Variants in ARMC6 observed in about 807,000 individuals in gnomAD.
The protein encoded by ARMC6 is armadillo repeat-containing protein 6.
ARMC6 carries 43 observed loss-of-function variants against 49.2 expected under a neutral mutation model. That is an observed-to-expected ratio of 0.87 (90% CI 0.69 to 1.13). The LOEUF is 1.13. Among genes scored for constraint, ARMC6 ranks in the 50% most tolerant of loss-of-function variants. The pLI, the probability that ARMC6 is intolerant of heterozygous loss-of-function variation, is 0.00. For synonymous variants in ARMC6, 262 were observed against 289.6 expected (o/e 0.90, Z 0.97); for missense variants, 627 against 682.0 (o/e 0.92, Z 0.90).
chr19:19,034,655 C>G (rs2059329662), intron 2 of ARMC6, among the ~76,000 whole-genome samples: 1 of 152,166 alleles, frequency 6.6e-6, no homozygotes, highest in African/African-American at 2.4e-5. Flanking sequence ...GTGGCATGAT[C>G]TTGACTCACT....
intron 2 of ARMC6, among the ~76,000 whole-genome samples, chr19:19,042,260 A>G (rs1335453265): frequency 2.0e-5 from 3 of 152,204 alleles, no homozygotes; most frequent in African/African-American, 7.2e-5. Flanking sequence ...CTACATCCGT[A>G]ATAGTTTCAG....
chr19:19,048,202 C>T (rs902779141), intron 4 of ARMC6, among the ~76,000 whole-genome samples: 1 of 152,040 alleles, frequency 6.6e-6, no homozygotes, highest in Non-Finnish European at 1.5e-5. Context: ...AAAAATTAAC[C>T]GGGCATGGTG....
chr19:19,046,418 C>T lies in ARMC6; in HGVS notation c.279+2344C>T, dbSNP rs1413420972. Among the ~76,000 whole-genome samples the T allele has an allele frequency of 3.9e-5, 6 of 151,918 alleles. No homozygotes were observed. The East Asian group carries it at 5.8e-4, about 15-fold the overall frequency. ...TTCACTGTGTTAGCCAGGATGATCT[C>T]GATCTCCTGACCTTGTGATCCGCCT... On this transcript the variant is annotated intron_variant, in intron 4 of 8. Coordinates refer to ENST00000535612, the MANE Select transcript of ARMC6 (RefSeq NM_001199196.2).
intron 2 of ARMC6, chr19:19,037,534 T>G: frequency 1.5e-6 from 1 of 653,004 alleles, no homozygotes; most frequent in Non-Finnish European, 2.4e-6. Context: ...ACCTGGCTAA[T>G]TTTGGTATTT....
chr19:19,036,211 A>G (rs1049787617), intron 2 of ARMC6, among the ~76,000 whole-genome samples: 11 of 152,090 alleles, frequency 7.2e-5, no homozygotes, highest in African/African-American at 2.7e-4. Context: ...ACAGGCGCCC[A>G]CTACCACGCC....
chr19:19,040,672 A>G (rs538090280), intron 2 of ARMC6: 19 of 326,922 alleles, frequency 5.8e-5, no homozygotes, highest in Non-Finnish European at 1.0e-4. Context: ...TTTTTTTGCA[A>G]CATCGTCTGA....
At chr19:19,041,897 T>C (rs1322142930) in intron 2 of ARMC6, among the ~76,000 whole-genome samples, 1 of 152,030 alleles carries the variant, frequency 6.6e-6, no homozygotes, top group African/African-American at 2.4e-5. Flanking sequence ...TAGTTGATAG[T>C]ACGATGTTAG....
chr19:19,045,503 T>TTTTTTTTTTTTTTTTTTC lies in ARMC6; in HGVS notation c.279+1430_279+1431insTTTTTTTTTTTTTTTTCT, dbSNP rs1179872355. On this transcript the variant is annotated intron_variant, in intron 4 of 8. Transcript: ENST00000535612. ...GCATTATGCTAAATTCTTTTTTTTT[T>TTTTTTTTTTTTTTTTTTC]TGAGACAAGAGTCTCACTCTGTTGC... is the stretch of plus-strand genomic sequence containing the variant. Among the ~76,000 whole-genome samples, 261 of 141,050 alleles carry TTTTTTTTTTTTTTTTTTC rather than the reference T, an allele frequency of 1.9e-3. 25 individuals are homozygous for TTTTTTTTTTTTTTTTTTC. The highest frequency in any genetic ancestry group is 6.9e-3 in the African/African-American group (250 of 36,176). 92.5% of individuals were successfully genotyped at this position (141,050 alleles called of 152,430 possible).
rs2059532731 is a variant in ARMC6, at chr19:19,055,165, C to T, written c.1024-100C>T. Reference sequence around the variant, plus strand: ...AGTCACACCCTGCAGTCACACCATACCTGTTGGTCAAACAGCAAAACAGCC... The same window carrying T: ...AGTCACACCCTGCAGTCACACCATATCTGTTGGTCAAACAGCAAAACAGCC... On this transcript the variant is annotated intron_variant, in intron 6 of 8. Coordinates refer to ENST00000535612, the MANE Select transcript of ARMC6 (RefSeq NM_001199196.2). This position sits in a 1 kb window ranked among gnomAD's most constrained non-coding sequence, Gnocchi z 5.7. 2 of 1,443,482 alleles carry T rather than the reference C, an allele frequency of 1.4e-6. No homozygotes were observed. Among genetic ancestry groups the T allele is most frequent in the Non-Finnish European group, 1.8e-6 (2 of 1,085,366 alleles). The allele number at this position is 1,443,482 out of a possible 1,614,324, so 89.4% of individuals were successfully genotyped here.
chr19:19,033,746 G>A lies in ARMC6; in HGVS notation c.-264G>A, dbSNP rs749450033. 7.8e-6 allele frequency: 2 copies of A among 257,376 alleles called. No homozygotes were observed. Among genetic ancestry groups the A allele is most frequent in the Non-Finnish European group, 1.5e-5 (2 of 135,596 alleles). 15.9% of individuals were successfully genotyped at this position (257,376 alleles called of 1,614,324 possible). A position where few individuals can be genotyped will look rare whatever the true frequency, so the allele number is the denominator to read the frequency against. ...AGACGCCTCCGTCGCGCACGAGGTGGCCTCGTTGGCTTTACCTTGGTTCGC... is the reference window on the plus strand; with the variant it reads ...AGACGCCTCCGTCGCGCACGAGGTGACCTCGTTGGCTTTACCTTGGTTCGC... On this transcript the variant is annotated 5_prime_UTR_variant, in exon 1 of 9. Coordinates refer to ENST00000535612, the MANE Select transcript of ARMC6 (RefSeq NM_001199196.2).
At chr19:19,045,535 T>G (rs962378696) in intron 4 of ARMC6, among the ~76,000 whole-genome samples, 25 of 135,324 alleles carry the variant, frequency 1.8e-4, no homozygotes, top group African/African-American at 6.9e-4. Context: ...TTGCCCAGGC[T>G]GGAGTACACT....
At chr19:19,046,810 A>G (rs2059454098) in intron 4 of ARMC6, among the ~76,000 whole-genome samples, 1 of 151,826 alleles carries the variant, frequency 6.6e-6, no homozygotes, top group Admixed American at 6.6e-5. Context: ...TTTGTTTTGT[A>G]GAGATGGGAT....
At chr19:19,045,198 A>G (rs1014943452) in intron 4 of ARMC6, among the ~76,000 whole-genome samples, 3 of 152,090 alleles carry the variant, frequency 2.0e-5, no homozygotes, top group Non-Finnish European at 2.9e-5. Flanking sequence ...TTTGTAGTAG[A>G]GACGAAGTTT....
At chr19:19,038,233 A>G (rs1006862651) in intron 2 of ARMC6, among the ~76,000 whole-genome samples, 3 of 152,224 alleles carry the variant, frequency 2.0e-5, no homozygotes, top group Non-Finnish European at 4.4e-5. Context: ...TAGTATAATT[A>G]TTATATTACA....
chr19:19,055,120 A>G lies in ARMC6; in HGVS notation c.1024-145A>G. 9.2e-7 allele frequency: 1 copy of G among 1,092,710 alleles called. No homozygotes were observed. Among genetic ancestry groups the G allele is most frequent in the Non-Finnish European group, 1.3e-6 (1 of 791,810 alleles). 67.7% of individuals were successfully genotyped at this position (1,092,710 alleles called of 1,614,324 possible). A position where few individuals can be genotyped will look rare whatever the true frequency, so the allele number is the denominator to read the frequency against. ...GACACAGGCAGCCTGAGCCACAGGCATCTGCCACCCCTTCTCGTTAGTCAC... is the reference window on the plus strand; with the variant it reads ...GACACAGGCAGCCTGAGCCACAGGCGTCTGCCACCCCTTCTCGTTAGTCAC... On this transcript the variant is annotated intron_variant, in intron 6 of 8. Transcript: ENST00000535612. The surrounding 1 kb of genome is among the most constrained non-coding windows in gnomAD (Gnocchi z 5.7).
At position 19,055,680 on chromosome 19, in the gene ARMC6, G is replaced by T. The variant is rs2059537902; in HGVS notation, c.1156-111G>T. 1.4e-6 allele frequency: 2 copies of T among 1,436,574 alleles called. No homozygotes were observed. The highest frequency in any genetic ancestry group is 2.3e-5 in the Admixed American group (1 of 44,404). 89.0% of individuals were successfully genotyped at this position (1,436,574 alleles called of 1,614,324 possible). On this transcript the variant is annotated intron_variant, in intron 7 of 8. Coordinates refer to ENST00000535612, the MANE Select transcript of ARMC6 (RefSeq NM_001199196.2). This position sits in a 1 kb window ranked among gnomAD's most constrained non-coding sequence, Gnocchi z 5.7. ...CCATTATTACACAGGAGTTGCCAGA[G>T]ACCCACGGAGGGGAGGCCGCAGGGT... is the stretch of plus-strand genomic sequence containing the variant.
chr19:19,057,351 C>T, intron 8 of ARMC6, 65 bp from the exon 9 acceptor site: 3 of 1,388,526 alleles, frequency 2.2e-6, no homozygotes, highest in Non-Finnish European at 3.0e-6. Flanking sequence ...GATGAAGACC[C>T]TGAGGTCAGA....
intron 6 of ARMC6, 94 bp downstream of exon 6, chr19:19,054,415 T>A: frequency 7.6e-7 from 1 of 1,310,752 alleles, no homozygotes; most frequent in Non-Finnish European, 1.0e-6. Context: ...TGCCTGCCAG[T>A]GTCGGAACCA....
chr19:19,037,379 C>CT (rs34331029), intron 2 of ARMC6, among the ~76,000 whole-genome samples: 97,406 of 140,884 alleles, frequency 0.69, 34,064 homozygotes, highest in East Asian at 0.87. Flanking sequence ...TTTCTTTTTC[C>CT]TTTTTTTTTT....
Sources: allele counts gnomAD v4.1 joint callset (sites outside exome capture counted in the v4.1 genomes callset), GRCh38; gene constraint gnomAD v4.1.1; non-coding constraint Gnocchi (gnomAD v3.1); transcripts MANE v1.5; gene names NCBI Gene and HGNC (gene_info 2026-07-23, HGNC 2026-07-21).